ADAP1: variants seen among roughly 807,000 people sequenced by gnomAD.
ADAP1 encodes ArfGAP with dual PH domains 1.
A neutral mutation model predicts 54.9 loss-of-function variants in ADAP1; 31 were observed. The ratio of observed to expected loss-of-function variants is 0.56; its 90% CI spans 0.42 to 0.76. ADAP1 has a LOEUF of 0.76. Among genes scored for constraint, ADAP1 ranks in the 30% least tolerant of loss-of-function variants. The probability of loss-of-function intolerance (pLI) is 0.00; values close to 1 mark genes in which losing one functional copy is unlikely to be tolerated. For synonymous variants in ADAP1, 313 were observed against 202.6 expected (o/e 1.55, Z -4.63); for missense variants, 535 against 512.4 (o/e 1.04, Z -0.42).
intron 2 of ADAP1, among the ~76,000 whole-genome samples, chr7:934,569 A>G (rs1045023017): frequency 6.6e-6 from 1 of 152,020 alleles, no homozygotes; most frequent in Non-Finnish European, 1.5e-5. Context: ...CCCAAGTCCC[A>G]CGAGTGGGGC....
rs185626623 is a variant in ADAP1 at position 908,710 on chromosome 7, G to A, written c.389-3538C>T. Among the ~76,000 whole-genome samples, 5 of 152,354 alleles carry A rather than the reference G, an allele frequency of 3.3e-5. No homozygotes were observed. The East Asian group carries it at 9.7e-4, about 29-fold the overall frequency. On this transcript the variant is annotated intron_variant, in intron 4 of 10. Transcript: ENST00000265846. The stretch of plus-strand genomic sequence containing the variant: ...TTTGGACGCGGCGCTTCGTGGCTGA[G>A]GGTGGACGCCGAGAAGTGCCCGGGG...
At chr7:954,236 G>A (rs1847334382) in intron 1 of ADAP1, among the ~76,000 whole-genome samples, 160 bp downstream of exon 1, 1 of 151,278 alleles carries the variant, frequency 6.6e-6, no homozygotes, top group Non-Finnish European at 1.5e-5. Flanking sequence ...AGCCGGGCCC[G>A]GGCCCCATCC....
intron 2 of ADAP1, 24 bp downstream of exon 2, chr7:935,351 C>A (rs1345173216): frequency 1.3e-6 from 2 of 1,547,184 alleles, no homozygotes; most frequent in South Asian, 2.4e-5. Flanking sequence ...CTGCGCGGGT[C>A]CCCCCGCCCC....
chr7:932,870 C>G (rs1196936498), intron 2 of ADAP1, among the ~76,000 whole-genome samples: 2 of 152,202 alleles, frequency 1.3e-5, no homozygotes, highest in African/African-American at 2.4e-5. Context: ...AGTGCAGAAG[C>G]TGATTTGGGG....
chr7:906,762 G>GA (rs1845456200), intron 4 of ADAP1, among the ~76,000 whole-genome samples: 4 of 33,354 alleles, frequency 1.2e-4, no homozygotes, highest in Admixed American at 3.1e-4. Flanking sequence ...ACATGGACAG[G>GA]GGACATGGGG....
At chr7:953,409 AC>A (rs1253903575) in intron 1 of ADAP1, among the ~76,000 whole-genome samples, 1 of 152,038 alleles carries the variant, frequency 6.6e-6, no homozygotes, top group Non-Finnish European at 1.5e-5. Context: ...AATCAGGGAC[AC>A]CCCTTTTTCC....
At chr7:929,675 G>C (rs899727314) in intron 2 of ADAP1, among the ~76,000 whole-genome samples, 1 of 152,078 alleles carries the variant, frequency 6.6e-6, no homozygotes, top group Non-Finnish European at 1.5e-5. Flanking sequence ...CGGCTGTGTT[G>C]GGACGTTAAA....
intron 4 of ADAP1, among the ~76,000 whole-genome samples, chr7:911,364 G>C (rs922928083): frequency 1.3e-5 from 2 of 152,182 alleles, no homozygotes; most frequent in Non-Finnish European, 2.9e-5. Context: ...GTGACGTGTG[G>C]ATGCCCCCAT....
At chr7:907,157 C>T (rs564405525) in intron 4 of ADAP1, among the ~76,000 whole-genome samples, 97 of 152,252 alleles carry the variant, frequency 6.4e-4, no homozygotes, top group Admixed American at 1.0e-3. Context: ...CTCATCTCCG[C>T]CTGTGGCCTC....
In ADAP1 at chr7:929,665, C is replaced by T. The variant is rs550053346; in HGVS notation, c.214-3021G>A. On this transcript the variant is annotated intron_variant, in intron 2 of 10. Transcript: ENST00000265846. ...TGGTGATGGGAGGGGTGGTGAGTAC[C>T]GGCTGTGTTGGGACGTTAAAATGTC... is the stretch of plus-strand genomic sequence containing the variant. 5.3e-4 allele frequency among the ~76,000 whole-genome samples: 80 copies of T among 151,820 alleles called. 2 individuals are homozygous for T. Among genetic ancestry groups the T allele is most frequent in the Middle Eastern group, 3.4e-3 (1 of 294 alleles).
chr7:900,264 A>AG (rs2128632716), intron 7 of ADAP1, 100 bp from the exon 8 acceptor site: 1 of 1,442,454 alleles, frequency 6.9e-7, no homozygotes, highest in South Asian at 1.2e-5. Context: ...CCGGGCCACC[A>AG]GGTCAGGGCC....
At chr7:944,699 A>G (rs1847096066) in intron 1 of ADAP1, among the ~76,000 whole-genome samples, 1 of 152,244 alleles carries the variant, frequency 6.6e-6, no homozygotes, top group South Asian at 2.1e-4. Flanking sequence ...TCAAGCGTGT[A>G]TCATTTCTTT....
In ADAP1 at chr7:920,634, CG is replaced by C. The variant is rs1846156858; in HGVS notation, c.306-585del. 3.0e-6 allele frequency: 2 copies of C among 677,306 alleles called. No homozygotes were observed. The highest frequency in any genetic ancestry group is 3.6e-5 in the African/African-American group (2 of 55,264). The allele number at this position is 677,306 out of a possible 1,614,324, so 42.0% of individuals were successfully genotyped here. A position where few individuals can be genotyped will look rare whatever the true frequency, so the allele number is the denominator to read the frequency against. On this transcript the variant is annotated intron_variant, in intron 3 of 10. Transcript: ENST00000265846. This position sits in a 1 kb window ranked among gnomAD's most constrained non-coding sequence, Gnocchi z 4.5. ...CGTCCGGGGCATCAGGAGAAACTAC[CG>C]GCAAATACCCAAGAATCCAGGAAGA...
At chr7:899,313 T>C (rs1844662418) in intron 9 of ADAP1, 52 bp from the exon 10 acceptor site, 3 of 1,607,768 alleles carry the variant, frequency 1.9e-6, no homozygotes, top group Non-Finnish European at 1.7e-6. Flanking sequence ...CCAGCCCCGC[T>C]TCACTCAGGC....
In ADAP1 at chr7:926,160, G is replaced by A. The variant is rs1846379260; in HGVS notation, c.305+393C>T. On this transcript the variant is annotated intron_variant, in intron 3 of 10. Transcript: ENST00000265846. This position sits in a 1 kb window ranked among gnomAD's most constrained non-coding sequence, Gnocchi z 4.6. ...CTCAGGCTTCCCCAACCGGCCACCG[G>A]TACCCACGTCCGCTCCCGCCCTGAG... is the stretch of plus-strand genomic sequence containing the variant. 2.0e-5 allele frequency among the ~76,000 whole-genome samples: 3 copies of A among 151,946 alleles called. No individual in the cohort carries two copies. In the South Asian group the frequency reaches 6.2e-4, roughly 32 times the overall value.
chr7:918,515 C>T (rs572716758), intron 4 of ADAP1, among the ~76,000 whole-genome samples: 2 of 152,302 alleles, frequency 1.3e-5, no homozygotes, highest in East Asian at 1.9e-4. Flanking sequence ...CCTCGTGTTC[C>T]GCCATTCCAG....
At chr7:937,068 C>A (rs930729917) in intron 1 of ADAP1, among the ~76,000 whole-genome samples, 9 of 123,058 alleles carry the variant, frequency 7.3e-5, no homozygotes, top group Non-Finnish European at 1.2e-4. Flanking sequence ...GGGGGTCATG[C>A]CCGGCCTCTG....
At chr7:953,920 C>T (rs2128114038) in intron 1 of ADAP1, among the ~76,000 whole-genome samples, 1 of 152,290 alleles carries the variant, frequency 6.6e-6, no homozygotes, top group South Asian at 2.1e-4. Flanking sequence ...CCGCTCACAC[C>T]CAGGGACCCC....
chr7:904,051 C>G, intron 6 of ADAP1, 75 bp downstream of exon 6: 1 of 1,588,942 alleles, frequency 6.3e-7, no homozygotes, highest in Non-Finnish European at 8.6e-7. Flanking sequence ...TCCAAGCACC[C>G]ACCTTCCTGC....
Sources: gnomAD v4.1 joint callset for allele counts (sites outside exome capture counted in the v4.1 genomes callset) on GRCh38, gnomAD v4.1.1 for gene constraint, Gnocchi (gnomAD v3.1) non-coding constraint, MANE v1.5 for transcripts, NCBI Gene and HGNC (gene_info 2026-07-23, HGNC 2026-07-21) for gene names.